The following STYXL2 variants were observed in gnomAD, a reference collection of about 807,000 sequenced individuals.
STYXL2 encodes serine/threonine/tyrosine-interacting-like protein 2.
In STYXL2, 44 loss-of-function variants were observed where a neutral mutation model predicts 52.4. The ratio of observed to expected loss-of-function variants is 0.84; its 90% CI spans 0.66 to 1.08. The LOEUF (loss-of-function observed/expected upper bound fraction) is 1.08, where lower values mean the gene tolerates loss of function less well. Among genes scored for constraint, STYXL2 ranks in the 50% least tolerant of loss-of-function variants. The pLI is 0.00. For synonymous variants in STYXL2, 604 were observed against 586.9 expected, an observed-to-expected ratio of 1.03 and a Z score of -0.42; for missense variants, 1,604 against 1,471.7, an observed-to-expected ratio of 1.09 and a Z score of -1.47.
In STYXL2 at chr1:167,094,901, G is replaced by A. The variant is rs771063721; in HGVS notation, c.52G>A (p.Asp18Asn). The change falls in exon 2 of 6, where the codon GAC (aspartate) becomes AAC (asparagine). Residue 18 changes from aspartate to asparagine, a missense_variant. Coordinates refer to ENST00000361200, the MANE Select transcript of STYXL2 (RefSeq NM_001080426.3). ...GGAGCAGGTAGTCCCAAGCGAGGAG[G>A]ACGAAGCCAACGTGAGGGCGGTGCA... ...EEEQVVPSEE[D>N]EANVRAVQAH... The A allele has an allele frequency of 6.8e-6, 11 of 1,613,228 alleles. No individual in the cohort carries two copies. The highest frequency in any genetic ancestry group is 1.7e-5 in the Admixed American group (1 of 59,942).
intron 3 of STYXL2, among the ~76,000 whole-genome samples, chr1:167,114,387 C>T (rs949671820): frequency 6.6e-6 from 1 of 152,136 alleles, no homozygotes; most frequent in Non-Finnish European, 1.5e-5. Context: ...TAATCTTTTG[C>T]AATTTCTTTC....
At chr1:167,099,617 A>G (rs1020662240) in intron 2 of STYXL2, among the ~76,000 whole-genome samples, 4 of 152,260 alleles carry the variant, frequency 2.6e-5, no homozygotes, top group African/African-American at 9.6e-5. Context: ...ACTAAATACC[A>G]ACAATAGCAA....
intron 5 of STYXL2, among the ~76,000 whole-genome samples, chr1:167,123,286 C>A (rs1007275548): frequency 1.3e-5 from 2 of 152,158 alleles, no homozygotes; most frequent in African/African-American, 4.8e-5. Context: ...CTCTGGCTGC[C>A]CTTTAGGCTC....
chr1:167,100,865 T>A (rs1339136512), intron 2 of STYXL2, among the ~76,000 whole-genome samples: 1 of 152,216 alleles, frequency 6.6e-6, no homozygotes, highest in African/African-American at 2.4e-5. Flanking sequence ...GTGGTGGCAC[T>A]TCATAGGCTA....
chr1:167,103,089 G>A (rs917161425), intron 2 of STYXL2, among the ~76,000 whole-genome samples: 14 of 152,138 alleles, frequency 9.2e-5, no homozygotes, highest in Non-Finnish European at 1.8e-4. Context: ...GGCTACGGGC[G>A]TTTCTTGCAT....
rs1270031112 is a variant in STYXL2 at position 167,113,666 on chromosome 1, C to A, written c.111-44C>A. The A allele has an allele frequency of 3.5e-6, 5 of 1,430,472 alleles. No homozygotes were observed. The South Asian group carries it at 4.6e-5, about 13-fold the overall frequency. The allele number at this position is 1,430,472 out of a possible 1,614,324, so 88.6% of individuals were successfully genotyped here. A position where few individuals can be genotyped will look rare whatever the true frequency, so the allele number is the denominator to read the frequency against. On this transcript the variant is annotated intron_variant, in intron 2 of 5. Transcript: ENST00000361200. ...CTCATCTAAAAGAATGCCTTCAGTT[C>A]AGATGCTACAGGCTTATCTCACGTG...
chr1:167,127,637 C>T lies in STYXL2; in HGVS notation c.2506C>T (p.Leu836Phe), dbSNP rs141439169. Reference sequence around the variant, plus strand: ...TGCTGACAATGTGGACCTAAAGGAACTTGGCCGGAAGGAGAAGGAGATGCA... The same window carrying T: ...TGCTGACAATGTGGACCTAAAGGAATTTGGCCGGAAGGAGAAGGAGATGCA... ...LFADNVDLKE[L>F]GRKEKEMQME... Residue 836 changes from leucine (L) to phenylalanine (F), a missense_variant, in exon 6 of 6, where the codon CTT becomes TTT. Transcript: ENST00000361200. 13 of 1,614,026 alleles carry T rather than the reference C, an allele frequency of 8.1e-6. No homozygotes were observed. The highest frequency in any genetic ancestry group is 8.0e-5 in the African/African-American group (6 of 74,894).
chr1:167,108,740 A>C (rs189898699), intron 2 of STYXL2, among the ~76,000 whole-genome samples: 2 of 152,212 alleles, frequency 1.3e-5, no homozygotes, highest in African/African-American at 4.8e-5. Flanking sequence ...CTTTGCTCCA[A>C]GAACTACCAC....
At chr1:167,121,759 C>T (rs1191365034) in intron 5 of STYXL2, among the ~76,000 whole-genome samples, 1 of 152,258 alleles carries the variant, frequency 6.6e-6, no homozygotes, top group African/African-American at 2.4e-5. Flanking sequence ...CGGCCGGAGA[C>T]CGTAGGTCGG....
Position 167,126,028 on chromosome 1 carries a change from G to A in STYXL2, c.897G>A (p.Glu299=). 6.3e-7 allele frequency: 1 copy of A among 1,597,372 alleles called. No homozygotes were observed. Among genetic ancestry groups the A allele is most frequent in the African/African-American group, 1.3e-5 (1 of 74,558 alleles). ...GATCAGCTGAGGCTGAGGAGGGCGAGGGCACTGGGAGCATGCTCGGGGCCA... is the reference window on the plus strand; with the variant it reads ...GATCAGCTGAGGCTGAGGAGGGCGAAGGCACTGGGAGCATGCTCGGGGCCA... ...EGGSAEAEEG[E]GTGSMLGARV... is the part of the protein sequence containing the mutation. The change falls in exon 6 of 6, where the codon GAG becomes GAA. Residue 299 remains glutamate (E), a synonymous_variant. Transcript: ENST00000361200.
intron 3 of STYXL2, among the ~76,000 whole-genome samples, chr1:167,116,651 GTT>G (rs57553225): frequency 2.6e-5 from 3 of 113,754 alleles, no homozygotes; most frequent in Non-Finnish European, 3.4e-5. Flanking sequence ...TTTTTTTTTG[GTT>G]TTTTTTTTTT....
intron 2 of STYXL2, among the ~76,000 whole-genome samples, chr1:167,110,342 T>A (rs901573518): frequency 6.6e-6 from 1 of 152,134 alleles, no homozygotes; most frequent in East Asian, 1.9e-4. Context: ...AAGATCACAT[T>A]AGTTCACCAG....
intron 2 of STYXL2, among the ~76,000 whole-genome samples, chr1:167,112,147 A>G (rs1362327012): frequency 6.6e-6 from 1 of 152,206 alleles, no homozygotes; most frequent in Non-Finnish European, 1.5e-5. Flanking sequence ...ATTTTTGGTC[A>G]CAGGAGTACT....
intron 3 of STYXL2, among the ~76,000 whole-genome samples, chr1:167,115,812 G>T (rs892896464): frequency 1.3e-5 from 2 of 152,118 alleles, no homozygotes; most frequent in South Asian, 2.1e-4. Context: ...ATCAGAGAAC[G>T]TTTAGAGCTG....
At chr1:167,117,183 A>G in intron 3 of STYXL2, 145 bp from the exon 4 acceptor site, 1 of 711,036 alleles carries the variant, frequency 1.4e-6, no homozygotes, top group Non-Finnish European at 2.3e-6. Flanking sequence ...GGGCCCAATT[A>G]AAGTCCTTCC....
In STYXL2 at chr1:167,126,140, A is replaced by C; in HGVS notation, c.1009A>C (p.Lys337Gln). The stretch of plus-strand genomic sequence containing the variant: ...CCTGGGGAAGGCCACCCAGGCCTCC[A>C]AGCCCCTCACCCTCATAGACGAGGA... The part of the protein sequence containing the change: ...SSLGKATQAS[K>Q]PLTLIDEEEE... Residue 337 changes from lysine (K) to glutamine (Q), a missense_variant, in exon 6 of 6, where the codon AAG (lysine) becomes CAG (glutamine). Physicochemically the swap from Lys to Gln is moderately conservative, Grantham distance 53. Transcript: ENST00000361200. 4.0e-6 allele frequency: 6 copies of C among 1,512,020 alleles called. No individual in the cohort carries two copies. The highest frequency in any genetic ancestry group is 5.3e-6 in the Non-Finnish European group (6 of 1,133,464). 93.7% of individuals were successfully genotyped at this position (1,512,020 alleles called of 1,614,324 possible).
chr1:167,099,918 T>G (rs11588401), intron 2 of STYXL2, among the ~76,000 whole-genome samples: 1 of 152,080 alleles, frequency 6.6e-6, no homozygotes, highest in Non-Finnish European at 1.5e-5. Flanking sequence ...GAGTCTGGCA[T>G]ATATATTTAT....
At chr1:167,118,989 G>A (rs1667789867) in intron 4 of STYXL2, among the ~76,000 whole-genome samples, 1 of 152,340 alleles carries the variant, frequency 6.6e-6, no homozygotes, top group African/African-American at 2.4e-5. Flanking sequence ...TCATTCAAAT[G>A]TTTCCTTACA....
intron 2 of STYXL2, among the ~76,000 whole-genome samples, chr1:167,102,142 G>A (rs1440183391): frequency 2.6e-5 from 4 of 151,934 alleles, no homozygotes; most frequent in Non-Finnish European, 5.9e-5. Flanking sequence ...TTGCCTGGGG[G>A]GCATAGGGCA....
Sources: allele counts gnomAD v4.1 joint callset (sites outside exome capture counted in the v4.1 genomes callset), GRCh38; gene constraint gnomAD v4.1.1; transcripts MANE v1.5; gene names NCBI Gene and HGNC (gene_info 2026-07-23, HGNC 2026-07-21).